Variants in ANGPT1 observed in about 807,000 individuals in gnomAD.
ANGPT1 encodes the protein angiopoietin-1.
In ANGPT1, 17 loss-of-function variants were observed where a neutral mutation model predicts 62.2. The observed-to-expected ratio is 0.27, with a 90% CI of 0.19 to 0.41. The LOEUF (loss-of-function observed/expected upper bound fraction) is 0.41. Ranked by LOEUF, ANGPT1 falls within the 10% of genes least tolerant of loss-of-function variation. The pLI is 1.00. For synonymous variants in ANGPT1, 199 were observed against 198.9 expected (o/e 1.00, Z 0.00); for missense variants, 478 against 594.9 (o/e 0.80, Z 2.04).
intron 7 of ANGPT1, among the ~76,000 whole-genome samples, chr8:107,274,105 A>G (rs1041030523): frequency 3.3e-5 from 5 of 152,166 alleles, no homozygotes; most frequent in African/African-American, 4.8e-5. Flanking sequence ...TGGTGTAACC[A>G]AAGTGTTATT....
intron 8 of ANGPT1, among the ~76,000 whole-genome samples, chr8:107,252,816 T>C (rs1813275910): frequency 6.6e-6 from 1 of 152,240 alleles, no homozygotes; most frequent in African/African-American, 2.4e-5. Flanking sequence ...CTTAGATTTT[T>C]AGATAAAGCA....
chr8:107,264,090 G>T, intron 8 of ANGPT1, 131 bp downstream of exon 8: 1 of 1,173,286 alleles, frequency 8.5e-7, no homozygotes, highest in Non-Finnish European at 1.1e-6. Flanking sequence ...TTCGTGGGCA[G>T]AACAAAATGA....
At chr8:107,386,929 T>C (rs1281012011) in intron 1 of ANGPT1, among the ~76,000 whole-genome samples, 1 of 152,096 alleles carries the variant, frequency 6.6e-6, no homozygotes, top group South Asian at 2.1e-4. Flanking sequence ...TGTATTATTT[T>C]TGAGAGTGTA....
intron 1 of ANGPT1, among the ~76,000 whole-genome samples, chr8:107,473,807 A>C (rs1298032634): frequency 6.6e-6 from 1 of 152,104 alleles, no homozygotes; most frequent in African/African-American, 2.4e-5. Context: ...CTTAGTAAGT[A>C]ATTTAACTCA....
intron 1 of ANGPT1, among the ~76,000 whole-genome samples, chr8:107,407,675 C>T (rs55980126): frequency 0.017 from 2,623 of 152,274 alleles, 36 homozygotes; most frequent in Non-Finnish European, 0.028. Flanking sequence ...AGAAAACAGC[C>T]AACACTCAGT....
chr8:107,305,069 T>C (rs139203806), intron 4 of ANGPT1, among the ~76,000 whole-genome samples: 431 of 152,178 alleles, frequency 2.8e-3, no homozygotes, highest in African/African-American at 0.01. Context: ...CGTAGTTTAC[T>C]GGTATTCGTT....
intron 7 of ANGPT1, among the ~76,000 whole-genome samples, chr8:107,283,001 G>A (rs1814052974): frequency 1.6e-5 from 1 of 64,368 alleles, no homozygotes; most frequent in South Asian, 3.7e-4. Flanking sequence ...GCATATGCAT[G>A]TGTATGCACA....
chr8:107,475,194 G>T (rs563243043), intron 1 of ANGPT1, among the ~76,000 whole-genome samples: 5 of 152,120 alleles, frequency 3.3e-5, no homozygotes, highest in Admixed American at 2.6e-4. Context: ...ATACTACAAG[G>T]CTACAGTAAC....
chr8:107,318,640 C>T (rs1815076872), intron 4 of ANGPT1, among the ~76,000 whole-genome samples: 3 of 151,988 alleles, frequency 2.0e-5, no homozygotes, highest in Admixed American at 1.3e-4. Flanking sequence ...GAAATTAATT[C>T]ATTTACTTGT....
At chr8:107,336,593 A>C (rs1289285172) in intron 2 of ANGPT1, 1 of 153,060 alleles carries the variant, frequency 6.5e-6, no homozygotes, top group Non-Finnish European at 1.3e-5. Flanking sequence ...TGAACCCGGG[A>C]GGCGGAGCTT....
intron 2 of ANGPT1, among the ~76,000 whole-genome samples, chr8:107,341,021 G>A (rs1473683628): frequency 6.6e-6 from 1 of 152,096 alleles, no homozygotes; most frequent in Non-Finnish European, 1.5e-5. Flanking sequence ...GTTAATAATG[G>A]ACAATGTGAC....
chr8:107,374,287 C>T (rs907261605), intron 1 of ANGPT1, among the ~76,000 whole-genome samples: 13 of 152,092 alleles, frequency 8.5e-5, no homozygotes, highest in African/African-American at 3.1e-4. Flanking sequence ...ACTAGTTTAT[C>T]AGATATCTTT....
intron 7 of ANGPT1, 121 bp downstream of exon 7, chr8:107,284,561 A>T: frequency 1.4e-6 from 1 of 723,094 alleles, no homozygotes; most frequent in Non-Finnish European, 1.9e-6. Context: ...AGGTCTAGAC[A>T]AAAAAAAAAG....
At chr8:107,406,896 A>AG (rs1424474444) in intron 1 of ANGPT1, among the ~76,000 whole-genome samples, 1 of 150,360 alleles carries the variant, frequency 6.7e-6, no homozygotes, top group African/African-American at 2.4e-5. Flanking sequence ...AAAAAAAAAA[A>AG]AAAGCAATTC....
intron 1 of ANGPT1, among the ~76,000 whole-genome samples, chr8:107,411,108 TG>T (rs1817259846): frequency 6.6e-6 from 1 of 152,150 alleles, no homozygotes; most frequent in Non-Finnish European, 1.5e-5. Flanking sequence ...TTTTAAAAAA[TG>T]TGTAAGAAAA....
chr8:107,371,995 G>A (rs1020150228), intron 1 of ANGPT1, among the ~76,000 whole-genome samples: 2 of 151,870 alleles, frequency 1.3e-5, no homozygotes, highest in African/African-American at 4.8e-5. Flanking sequence ...GAAAATATAT[G>A]TATCATACCT....
intron 1 of ANGPT1, among the ~76,000 whole-genome samples, chr8:107,405,590 T>G (rs186677767): frequency 1.3e-5 from 2 of 152,002 alleles, no homozygotes; most frequent in African/African-American, 4.8e-5. Flanking sequence ...AAAACATAAA[T>G]GGATTTTGTG....
At chr8:107,497,049 C>G (rs903774105) in intron 1 of ANGPT1, among the ~76,000 whole-genome samples, 1 of 152,192 alleles carries the variant, frequency 6.6e-6, no homozygotes, top group African/African-American at 2.4e-5. Context: ...GACACACAAA[C>G]GGGGTGCCCC....
chr8:107,417,626 C>T (rs1419974833), intron 1 of ANGPT1, among the ~76,000 whole-genome samples: 23 of 152,078 alleles, frequency 1.5e-4, no homozygotes. Flanking sequence ...TAGATTATGA[C>T]CACCCTAGGA....
Sources: allele counts gnomAD v4.1 joint callset (sites outside exome capture counted in the v4.1 genomes callset), GRCh38; gene constraint gnomAD v4.1.1; transcripts MANE v1.5; gene names NCBI Gene and HGNC (gene_info 2026-07-23, HGNC 2026-07-21).